Variants in LPP observed in about 807,000 individuals in gnomAD.
The protein encoded by LPP is lipoma-preferred partner.
In LPP, 38 loss-of-function variants were observed where a neutral mutation model predicts 60.4. That is an observed-to-expected ratio of 0.63 (90% CI 0.49 to 0.83). The LOEUF (loss-of-function observed/expected upper bound fraction) is 0.83. Ranked by LOEUF, LPP falls within the 40% of genes least tolerant of loss-of-function variation. The pLI, the probability that LPP is intolerant of heterozygous loss-of-function variation, is 0.00. For synonymous variants in LPP, 328 were observed against 290.8 expected (o/e 1.13, Z -1.30); for missense variants, 902 against 783.6 (o/e 1.15, Z -1.80).
Position 188,888,493 on chromosome 3 carries a change from G to C in LPP, c.*14014G>C, listed in dbSNP as rs552545269. The C allele has an allele frequency of 4.4e-6, 1 of 228,042 alleles. No individual in the cohort carries two copies. The highest frequency in any genetic ancestry group is 8.7e-6 in the Non-Finnish European group (1 of 114,294). 14.1% of individuals were successfully genotyped at this position (228,042 alleles called of 1,614,324 possible). A position where few individuals can be genotyped will look rare whatever the true frequency, so the allele number is the denominator to read the frequency against. Reference sequence around the variant, plus strand: ...CCAGCTCTGAATATAGCCATTTGCCGACTCCGGCCTCTTTGCGAGACTGAC... The same window carrying C: ...CCAGCTCTGAATATAGCCATTTGCCCACTCCGGCCTCTTTGCGAGACTGAC... On this transcript the variant is annotated 3_prime_UTR_variant, in exon 12 of 12. Coordinates refer to ENST00000617246, the MANE Select transcript of LPP (RefSeq NM_001375462.1).
At chr3:188,446,727 G>A (rs181532407) in intron 4 of LPP, among the ~76,000 whole-genome samples, 1 of 152,218 alleles carries the variant, frequency 6.6e-6, no homozygotes, top group African/African-American at 2.4e-5. Flanking sequence ...AAACCCTTTG[G>A]TTTCTAACAT....
chr3:188,444,503 G>A (rs1794758147), intron 4 of LPP, among the ~76,000 whole-genome samples: 1 of 152,014 alleles, frequency 6.6e-6, no homozygotes, highest in Non-Finnish European at 1.5e-5. Context: ...ATATAAGCAT[G>A]AATTTATTAT....
rs114127429 is a variant in LPP, at chr3:188,795,631, A to G, written c.1410+35349A>G. Among the ~76,000 whole-genome samples, 1,300 of 152,248 alleles carry G rather than the reference A, an allele frequency of 8.5e-3. 16 individuals are homozygous for G. The highest frequency in any genetic ancestry group is 0.029 in the African/African-American group (1,199 of 41,534). ...ATGCTTGGAAATGTGGCCACACTGTATACCCCCAAAAGAAGAGGAATTAGT... is the reference window on the plus strand; with the variant it reads ...ATGCTTGGAAATGTGGCCACACTGTGTACCCCCAAAAGAAGAGGAATTAGT... On this transcript the variant is annotated intron_variant, in intron 9 of 11. Transcript: ENST00000617246.
At position 188,874,840 on chromosome 3, in the gene LPP, C is replaced by T. The variant is rs952279551; in HGVS notation, c.*361C>T. 6 of 245,952 alleles carry T rather than the reference C, an allele frequency of 2.4e-5. No individual in the cohort carries two copies. In the Admixed American group the frequency reaches 3.1e-4, roughly 13 times the overall value. 15.2% of individuals were successfully genotyped at this position (245,952 alleles called of 1,614,324 possible). On this transcript the variant is annotated 3_prime_UTR_variant, in exon 12 of 12. Transcript: ENST00000617246. ...TGGTATTTGCTGTCACATAGTTTTT[C>T]CTGGGTGAGTCTGCCAACTCACAGG... is the stretch of plus-strand genomic sequence containing the variant.
chr3:188,435,255 G>A (rs2149199288), intron 4 of LPP, among the ~76,000 whole-genome samples: 1 of 152,206 alleles, frequency 6.6e-6, no homozygotes, highest in South Asian at 2.1e-4. Context: ...ATCAAAGAAT[G>A]GAGTCTTAAT....
intron 4 of LPP, among the ~76,000 whole-genome samples, chr3:188,417,194 T>C (rs1193132779): frequency 6.6e-6 from 1 of 152,062 alleles, no homozygotes; most frequent in Non-Finnish European, 1.5e-5. Flanking sequence ...TTGTTCTGTA[T>C]GTCGCTGTCT....
At position 188,621,392 on chromosome 3, in the gene LPP, C is replaced by T. The variant is rs931789341; in HGVS notation, c.1113+11548C>T. 6.6e-5 allele frequency among the ~76,000 whole-genome samples: 10 copies of T among 152,256 alleles called. No individual in the cohort carries two copies. The South Asian group carries it at 1.0e-3, about 16-fold the overall frequency. On this transcript the variant is annotated intron_variant, in intron 7 of 11. Coordinates refer to ENST00000617246, the MANE Select transcript of LPP (RefSeq NM_001375462.1). ...ATGTCCATGTGTGCTCAGTGTTTAGCTCCCACTCATAAGTGAGAATATGTG... is the reference window on the plus strand; with the variant it reads ...ATGTCCATGTGTGCTCAGTGTTTAGTTCCCACTCATAAGTGAGAATATGTG...
chr3:188,192,901 G>A (rs1022669631), intron 1 of LPP, among the ~76,000 whole-genome samples: 8 of 152,204 alleles, frequency 5.3e-5, no homozygotes, highest in African/African-American at 1.9e-4. Flanking sequence ...GGCCTCAGAT[G>A]TACTGCTTTC....
At position 188,496,982 on chromosome 3, in the gene LPP, C is replaced by G. The variant is rs185350725; in HGVS notation, c.306+12278C>G. Among the ~76,000 whole-genome samples the G allele has an allele frequency of 7.8e-3, 1,142 of 146,196 alleles. 13 individuals are homozygous for G. The highest frequency in any genetic ancestry group is 0.027 in the African/African-American group (1,057 of 38,940). ...ACTACGGAAATAAGTTAAATTTTGC[C>G]AACTAGTGGAAAAAAAGTTTCTGTG... On this transcript the variant is annotated intron_variant, in intron 5 of 11. Coordinates refer to ENST00000617246, the MANE Select transcript of LPP (RefSeq NM_001375462.1).
intron 1 of LPP, among the ~76,000 whole-genome samples, chr3:188,158,280 A>G (rs1338743171): frequency 6.6e-6 from 1 of 152,136 alleles, no homozygotes; most frequent in East Asian, 1.9e-4. Flanking sequence ...GAAACTTAGT[A>G]GAGTGAGGAA....
chr3:188,521,978 G>A (rs993249696), intron 5 of LPP, among the ~76,000 whole-genome samples: 2 of 152,076 alleles, frequency 1.3e-5, no homozygotes, highest in African/African-American at 4.8e-5. Context: ...CCTTGTACCA[G>A]GACCCCCATT....
At chr3:188,319,773 G>C (rs1266213495) in intron 2 of LPP, among the ~76,000 whole-genome samples, 1 of 152,280 alleles carries the variant, frequency 6.6e-6, no homozygotes, top group Middle Eastern at 3.4e-3. Flanking sequence ...ATTATCATTG[G>C]TGTAACATGA....
rs532101563 is a variant in LPP at position 188,724,599 on chromosome 3, G to A, written c.1240+16206G>A. On this transcript the variant is annotated intron_variant, in intron 8 of 11. Transcript: ENST00000617246. ...CTGCTTAGTCCAGATAACAAAAGGC[G>A]ATTTCTGACCGTAATTTTTTTTGTT... 5.6e-4 allele frequency among the ~76,000 whole-genome samples: 85 copies of A among 152,236 alleles called. No homozygotes were observed. The South Asian group carries it at 0.012, about 22-fold the overall frequency.
chr3:188,636,299 G>A (rs910188191), intron 7 of LPP, among the ~76,000 whole-genome samples: 4 of 152,164 alleles, frequency 2.6e-5, no homozygotes, highest in Admixed American at 1.3e-4. Flanking sequence ...GGTGACAGAC[G>A]GCACCTGGAA....
chr3:188,597,260 CA>C (rs1338116016), intron 6 of LPP, among the ~76,000 whole-genome samples: 1 of 152,140 alleles, frequency 6.6e-6, no homozygotes, highest in African/African-American at 2.4e-5. Flanking sequence ...CAGTTATGCA[CA>C]GATAAATTAG....
chr3:188,240,329 A>T (rs1723720639), intron 2 of LPP, among the ~76,000 whole-genome samples: 1 of 149,962 alleles, frequency 6.7e-6, no homozygotes, highest in Admixed American at 6.6e-5. Context: ...AAGAGTCAGG[A>T]GTTTTGGGTA....
intron 8 of LPP, among the ~76,000 whole-genome samples, chr3:188,756,285 A>G (rs1401697411): frequency 6.6e-6 from 1 of 152,220 alleles, no homozygotes; most frequent in East Asian, 1.9e-4. Flanking sequence ...GGAAATCTTA[A>G]TTCACTGACA....
At chr3:188,303,544 G>A (rs565498479) in intron 2 of LPP, among the ~76,000 whole-genome samples, 1 of 152,302 alleles carries the variant, frequency 6.6e-6, no homozygotes, top group Non-Finnish European at 1.5e-5. Flanking sequence ...CTGGAAGAGA[G>A]AGTGTGGAGG....
intron 1 of LPP, among the ~76,000 whole-genome samples, chr3:188,207,621 C>CT (rs77534309): frequency 0.072 from 9,446 of 131,294 alleles, 368 homozygotes; most frequent in South Asian, 0.13. Context: ...TCTTTTTCTT[C>CT]TTTTTTTTTT....
Sources: gnomAD v4.1 joint callset for allele counts (sites outside exome capture counted in the v4.1 genomes callset) on GRCh38, gnomAD v4.1.1 for gene constraint, MANE v1.5 for transcripts, NCBI Gene and HGNC (gene_info 2026-07-23, HGNC 2026-07-21) for gene names.